Variants in PMFBP1 observed in about 807,000 individuals in gnomAD.
PMFBP1 encodes polyamine modulated factor 1 binding protein 1, also known as polyamine-modulated factor 1-binding protein 1.
In PMFBP1, 131 loss-of-function variants were observed where a neutral mutation model predicts 137.8. That is an observed-to-expected ratio of 0.95 (90% CI 0.82 to 1.10). PMFBP1 has a LOEUF of 1.10. Among genes scored for constraint, PMFBP1 ranks in the 50% least tolerant of loss-of-function variants. PMFBP1 has a pLI of 0.00. For synonymous variants in PMFBP1, 490 were observed against 450.4 expected (o/e 1.09, Z -1.11); for missense variants, 1,199 against 1,175.4 (o/e 1.02, Z -0.29).
At chr16:72,141,061 A>G (rs1251360015) in intron 5 of PMFBP1, among the ~76,000 whole-genome samples, 1 of 148,346 alleles carries the variant, frequency 6.7e-6, no homozygotes, top group South Asian at 2.1e-4. Flanking sequence ...CAGCCCCCCA[A>G]ATAGCTAGAA....
the PMFBP1 span, among the ~76,000 whole-genome samples, chr16:72,230,201 G>T: frequency 3.9e-5 from 6 of 152,192 alleles, no homozygotes; most frequent in African/African-American, 1.4e-4. Context: ...CCAAGTTTAG[G>T]AAATATTTAA....
chr16:72,241,774 T>C, the PMFBP1 span, among the ~76,000 whole-genome samples: 1 of 152,154 alleles, frequency 6.6e-6, no homozygotes, highest in Admixed American at 6.5e-5. Flanking sequence ...CAAATGTAAG[T>C]TTGTATTAGG....
chr16:72,130,423 A>C, intron 11 of PMFBP1, 66 bp from the exon 12 acceptor site: 1 of 1,609,024 alleles, frequency 6.2e-7, no homozygotes, highest in Non-Finnish European at 8.5e-7. Flanking sequence ...TGTGGAGCTG[A>C]CCCAATGGGA....
At chr16:72,239,012 A>G in the PMFBP1 span, among the ~76,000 whole-genome samples, 1 of 152,062 alleles carries the variant, frequency 6.6e-6, no homozygotes, top group South Asian at 2.1e-4. Flanking sequence ...AAATATACCC[A>G]AAAAAACAAA....
At chr16:72,122,811 C>T in intron 19 of PMFBP1, 103 bp downstream of exon 19, 7 of 1,093,540 alleles carry the variant, frequency 6.4e-6, no homozygotes, top group South Asian at 4.2e-5. Flanking sequence ...CCAGGCCTTT[C>T]CTGGGCTGAT....
chr16:72,132,878 T>G lies in PMFBP1; in HGVS notation c.1317A>C (p.Thr439=). The change falls in exon 10 of 21, where the codon ACA becomes ACC. Residue 439 remains threonine, a synonymous_variant. Coordinates refer to ENST00000237353, the MANE Select transcript of PMFBP1 (RefSeq NM_031293.3). ...CCTCCTTGACTGTCATTTCAAGTTC[T>G]GTGGCCATGCACTGCTGCTTCTCCA... ...KELEKQQCMA[T]ELEMTVKEAK... is the part of the protein sequence containing the mutation. 6.2e-7 allele frequency: 1 copy of G among 1,614,270 alleles called. No homozygotes were observed. Among genetic ancestry groups the G allele is most frequent in the Non-Finnish European group, 8.5e-7 (1 of 1,180,054 alleles).
the PMFBP1 span, among the ~76,000 whole-genome samples, chr16:72,184,554 A>C: frequency 1.3e-5 from 2 of 152,306 alleles, no homozygotes; most frequent in South Asian, 2.1e-4. Flanking sequence ...TACTGTGGTT[A>C]TTTTTATTGT....
intron 17 of PMFBP1, among the ~76,000 whole-genome samples, chr16:72,124,192 G>A (rs1277281128): frequency 6.6e-6 from 1 of 152,156 alleles, no homozygotes; most frequent in Non-Finnish European, 1.5e-5. Flanking sequence ...TAAACTTATT[G>A]TAGAGATGAG....
the PMFBP1 span, among the ~76,000 whole-genome samples, chr16:72,239,893 AAAAAAAAG>A: frequency 0.07 from 9,824 of 140,772 alleles, 1,045 homozygotes; most frequent in African/African-American, 0.24. Flanking sequence ...TACAAAAAAA[AAAAAAAAG>A]AAAAAAAAAA....
the PMFBP1 span, among the ~76,000 whole-genome samples, chr16:72,201,372 C>T: frequency 6.6e-6 from 1 of 152,188 alleles, no homozygotes; most frequent in Non-Finnish European, 1.5e-5. Context: ...GAACTATGTC[C>T]ACATTTTCAT....
intron 14 of PMFBP1, among the ~76,000 whole-genome samples, chr16:72,127,070 G>A (rs1215408524): frequency 5.3e-5 from 8 of 152,218 alleles, no homozygotes; most frequent in Admixed American, 4.6e-4. Flanking sequence ...GGAAGCCAGA[G>A]GGAGACCTCA....
intron 3 of PMFBP1, among the ~76,000 whole-genome samples, chr16:72,158,052 G>T (rs1425924881): frequency 1.3e-5 from 2 of 152,208 alleles, no homozygotes; most frequent in Non-Finnish European, 2.9e-5. Context: ...GAGAGTGGTG[G>T]TGGCAGCACA....
rs897178882 is a variant in PMFBP1 at position 72,154,214 on chromosome 16, A to T, written c.411T>A (p.Asp137Glu). ...LLHHHCKLKE[D>E]EVILYEEEMG... ...TCCATGGTTAATCTGTCTATACCTC[A>T]TCTTCTTTCAGTTTGCAGTGATGGT... is the stretch of plus-strand genomic sequence containing the variant. The change falls in exon 4 of 21, where the codon GAT becomes GAA. Residue 137 changes from aspartate to glutamate, a missense_variant. Physicochemically the swap from Asp to Glu is conservative, Grantham distance 45 (BLOSUM62 2). Transcript: ENST00000237353. 2 of 1,613,916 alleles carry T rather than the reference A, an allele frequency of 1.2e-6. No homozygotes were observed. The highest frequency in any genetic ancestry group is 1.7e-6 in the Non-Finnish European group (2 of 1,179,972).
chr16:72,235,659 C>A, the PMFBP1 span, among the ~76,000 whole-genome samples: 5 of 151,918 alleles, frequency 3.3e-5, no homozygotes, highest in Non-Finnish European at 5.9e-5. Context: ...TTATTTAGGT[C>A]TTTAATTTCT....
the PMFBP1 span, among the ~76,000 whole-genome samples, chr16:72,193,122 C>T: frequency 4.9e-4 from 74 of 152,072 alleles, no homozygotes; most frequent in African/African-American, 1.4e-3. Flanking sequence ...CATGGTAGGT[C>T]GCGCCTGTAA....
chr16:72,186,382 C>T, the PMFBP1 span, among the ~76,000 whole-genome samples: 1 of 152,062 alleles, frequency 6.6e-6, no homozygotes, highest in Non-Finnish European at 1.5e-5. Flanking sequence ...GCATTTGATC[C>T]TACTTTTGAT....
the PMFBP1 span, among the ~76,000 whole-genome samples, chr16:72,201,120 T>C: frequency 6.6e-6 from 1 of 152,338 alleles, no homozygotes; most frequent in South Asian, 2.1e-4. Flanking sequence ...ATGCATAATG[T>C]GTGACCACAC....
chr16:72,226,137 A>G, the PMFBP1 span, among the ~76,000 whole-genome samples: 2 of 152,114 alleles, frequency 1.3e-5, no homozygotes, highest in Non-Finnish European at 2.9e-5. Flanking sequence ...GTCAAGCTAC[A>G]TATTTGTACG....
chr16:72,142,642 A>C (rs2042740528), intron 5 of PMFBP1, among the ~76,000 whole-genome samples: 1 of 152,246 alleles, frequency 6.6e-6, no homozygotes, highest in Non-Finnish European at 1.5e-5. Flanking sequence ...GGAAATATTG[A>C]GAAATTGTGC....
Sources: gnomAD v4.1 joint callset for allele counts (sites outside exome capture counted in the v4.1 genomes callset) on GRCh38, gnomAD v4.1.1 for gene constraint, MANE v1.5 for transcripts, NCBI Gene and HGNC (gene_info 2026-07-23, HGNC 2026-07-21) for gene names.